Variants in MLXIP observed in about 807,000 individuals in gnomAD.
MLXIP encodes the protein MLX-interacting protein.
MLXIP carries 30 observed loss-of-function variants against 87.2 expected under a neutral mutation model. The observed-to-expected ratio is 0.34, with a 90% CI of 0.26 to 0.47. The LOEUF is 0.47. MLXIP is among the 20% of genes least tolerant of loss of function. The pLI is 1.00. For missense variants in MLXIP, 1,002 were observed against 1,240.1 expected (o/e 0.81, Z 2.88); for synonymous variants, 530 against 514.0 (o/e 1.03, Z -0.42).
rs548451761 is a variant in MLXIP, at chr12:122,103,370, G to C, written c.414-23886G>C. 4.6e-5 allele frequency among the ~76,000 whole-genome samples: 7 copies of C among 151,808 alleles called. No homozygotes were observed. The East Asian group carries it at 1.2e-3, about 25-fold the overall frequency. ...CTCCTAAGTAGCTGGGATTAGAGGC[G>C]CCCGCCACCATGCCCGGCTAATTTT... On this transcript the variant is annotated intron_variant, in intron 1 of 16. Transcript: ENST00000319080.
At chr12:122,107,844 C>G (rs1952544508) in intron 1 of MLXIP, among the ~76,000 whole-genome samples, 1 of 152,190 alleles carries the variant, frequency 6.6e-6, no homozygotes, top group African/African-American at 2.4e-5. Context: ...TCTCCTGTGA[C>G]CAGTGGTGAC....
At chr12:122,127,411 C>G in intron 2 of MLXIP, 49 bp downstream of exon 2, 2 of 1,371,258 alleles carry the variant, frequency 1.5e-6, no homozygotes, top group South Asian at 2.7e-5. Flanking sequence ...ACTTCACGGC[C>G]TGGAGGCCTG....
rs542429164 is a variant in MLXIP, at chr12:122,123,193, C to T, written c.414-4063C>T. 5.9e-5 allele frequency among the ~76,000 whole-genome samples: 9 copies of T among 152,306 alleles called. No homozygotes were observed. The South Asian group carries it at 1.2e-3, about 21-fold the overall frequency. On this transcript the variant is annotated intron_variant, in intron 1 of 16. Transcript: ENST00000319080. ...GTGTCCCTTCCTTTGTGACACCTGA[C>T]GCATTCATTGCCACCTTGCCACCTT...
At chr12:122,131,273 C>T (rs1270886196) in intron 7 of MLXIP, among the ~76,000 whole-genome samples, 1 of 151,960 alleles carries the variant, frequency 6.6e-6, no homozygotes, top group Non-Finnish European at 1.5e-5. Flanking sequence ...GCAGCAGAAA[C>T]GTCAGGCCTG....
intron 1 of MLXIP, among the ~76,000 whole-genome samples, chr12:122,092,582 A>T (rs1162617188): frequency 6.6e-6 from 1 of 152,116 alleles, no homozygotes; most frequent in Non-Finnish European, 1.5e-5. Context: ...TGATGATTTT[A>T]AGTATTCTTG....
chr12:122,111,682 T>G (rs1233109452), intron 1 of MLXIP, among the ~76,000 whole-genome samples: 1 of 152,236 alleles, frequency 6.6e-6, no homozygotes, highest in Admixed American at 6.5e-5. Flanking sequence ...AACTGCGTGA[T>G]TTGGTTTTGT....
chr12:122,141,634 G>A lies in MLXIP; in HGVS notation c.2639-57G>A, dbSNP rs1444497709. On this transcript the variant is annotated intron_variant, in intron 16 of 16. Coordinates refer to ENST00000319080, the MANE Select transcript of MLXIP (RefSeq NM_014938.6). ...ATGGGTTGTAGGTACAAAGCCGAGT[G>A]TGCGGTGTGTGGTGGGTCTGTGTCA... 9.4e-6 allele frequency: 15 copies of A among 1,595,888 alleles called. No homozygotes were observed. In the East Asian group the frequency reaches 2.2e-4, roughly 24 times the overall value.
chr12:122,086,448 C>T (rs1455934898), intron 1 of MLXIP, among the ~76,000 whole-genome samples: 2 of 151,958 alleles, frequency 1.3e-5, no homozygotes, highest in Non-Finnish European at 2.9e-5. Flanking sequence ...ATCCTTGTTC[C>T]CTGGTATAAT....
chr12:122,090,713 G>A (rs1429676625), intron 1 of MLXIP, among the ~76,000 whole-genome samples: 1 of 152,154 alleles, frequency 6.6e-6, no homozygotes, highest in Admixed American at 6.6e-5. Context: ...TTTATCATGA[G>A]CAAGTAAATA....
Position 122,138,954 on chromosome 12 carries a change from C to A in MLXIP, c.2508+16C>A. The stretch of plus-strand genomic sequence containing the variant: ...GTTCTGGATTGTATCTTTGGGTTTT[C>A]TTTTTGCTCTTCCCGGCCCTCAGCC... On this transcript the variant is annotated intron_variant, in intron 15 of 16. Transcript: ENST00000319080. 1.2e-6 allele frequency: 2 copies of A among 1,613,596 alleles called. No homozygotes were observed. Among genetic ancestry groups the A allele is most frequent in the Non-Finnish European group, 1.7e-6 (2 of 1,179,582 alleles).
At position 122,141,951 on chromosome 12, in the gene MLXIP, G is replaced by A; in HGVS notation, c.*139G>A. ...CTCTGCCGGCCCACCGTGGCATCGG[G>A]AGGCCATGCTCAGGTCTGAAGCAGG... On this transcript the variant is annotated 3_prime_UTR_variant, in exon 17 of 17. Coordinates refer to ENST00000319080, the MANE Select transcript of MLXIP (RefSeq NM_014938.6). The A allele has an allele frequency of 7.5e-7, 1 of 1,338,242 alleles. No individual in the cohort carries two copies. Among genetic ancestry groups the A allele is most frequent in the Non-Finnish European group, 1.0e-6 (1 of 985,582 alleles). 82.9% of individuals were successfully genotyped at this position (1,338,242 alleles called of 1,614,324 possible). A position where few individuals can be genotyped will look rare whatever the true frequency, so the allele number is the denominator to read the frequency against.
At chr12:122,123,662 G>A (rs11608792) in intron 1 of MLXIP, among the ~76,000 whole-genome samples, 70,254 of 152,008 alleles carry the variant, frequency 0.46, 16,432 homozygotes, top group Middle Eastern at 0.64. Flanking sequence ...TTTGTCTGCT[G>A]TACCCCCTGC....
intron 1 of MLXIP, among the ~76,000 whole-genome samples, chr12:122,122,764 G>T (rs1952804439): frequency 3.3e-5 from 5 of 152,032 alleles, no homozygotes; most frequent in Admixed American, 3.3e-4. Context: ...AGCCAGGATG[G>T]TCTCGATCTC....
chr12:122,106,277 G>A lies in MLXIP; in HGVS notation c.414-20979G>A, dbSNP rs747040255. 9.9e-5 allele frequency among the ~76,000 whole-genome samples: 15 copies of A among 152,200 alleles called. No homozygotes were observed. The East Asian group carries it at 1.9e-3, about 20-fold the overall frequency. On this transcript the variant is annotated intron_variant, in intron 1 of 16. Transcript: ENST00000319080. The stretch of plus-strand genomic sequence containing the variant: ...TTCTTTCCCTGGTTAACTCCTGCCC[G>A]TCCTTGGAGACTCCGCTCAGGCATC...
At chr12:122,085,300 GCGCTAAGCCTAAC>G (rs1479883646) in intron 1 of MLXIP, among the ~76,000 whole-genome samples, 1 of 152,064 alleles carries the variant, frequency 6.6e-6, no homozygotes. Context: ...TTTGACTTCC[GCGCTAAGCCTAAC>G]AGCTTCGGCA....
In MLXIP at chr12:122,133,717, G is replaced by A. The variant is rs369537342; in HGVS notation, c.1462G>A (p.Ala488Thr). Residue 488 changes from alanine (A) to threonine (T), a missense_variant, in exon 9 of 17, where the codon GCC becomes ACC. By Grantham distance (58) the Ala-to-Thr change is moderately conservative (BLOSUM62 0). Coordinates refer to ENST00000319080, the MANE Select transcript of MLXIP (RefSeq NM_014938.6). The surrounding 1 kb of genome is among the most constrained non-coding windows in gnomAD (Gnocchi z 4.9). ...AGCGCCGTCTGTCATCACCCACACG[G>A]CCTCTGCCACCCTCACCCACGATGC... ...NKAPSVITHT[A>T]SATLTHDAPA... The A allele has an allele frequency of 1.2e-6, 2 of 1,613,376 alleles. No individual in the cohort carries two copies. The highest frequency in any genetic ancestry group is 2.7e-5 in the African/African-American group (2 of 74,890).
Position 122,135,250 on chromosome 12 carries a change from G to T in MLXIP, c.1759G>T (p.Val587Leu), listed in dbSNP as rs1953065567. The stretch of plus-strand genomic sequence containing the variant: ...TGCCTTTTCAGGCCAACCACAAGCG[G>T]TGATCATGACGTCAGGGCCTCTGAA... The part of the protein sequence containing the change: ...PAAFSGQPQA[V>L]IMTSGPLKRE... Residue 587 changes from valine (V) to leucine (L), a missense_variant, in exon 10 of 17, where the codon GTG (valine) becomes TTG (leucine). Physicochemically the swap from Val to Leu is conservative, Grantham distance 32 (BLOSUM62 1). Coordinates refer to ENST00000319080, the MANE Select transcript of MLXIP (RefSeq NM_014938.6). This position sits in a 1 kb window ranked among gnomAD's most constrained non-coding sequence, Gnocchi z 5.3. 6.2e-7 allele frequency: 1 copy of T among 1,613,572 alleles called. No individual in the cohort carries two copies. The highest frequency in any genetic ancestry group is 1.6e-4 in the Middle Eastern group (1 of 6,062).
At chr12:122,113,820 G>A (rs1048241378) in intron 1 of MLXIP, among the ~76,000 whole-genome samples, 2 of 151,414 alleles carry the variant, frequency 1.3e-5, no homozygotes, top group Non-Finnish European at 2.9e-5. Flanking sequence ...GAGGAGCTGG[G>A]AGTACAGGCA....
intron 1 of MLXIP, among the ~76,000 whole-genome samples, chr12:122,114,630 A>G (rs1452163895): frequency 6.6e-6 from 1 of 152,194 alleles, no homozygotes; most frequent in African/African-American, 2.4e-5. Context: ...CCCCAGGCAA[A>G]CAAAGACACT....
Sources: allele counts gnomAD v4.1 joint callset (sites outside exome capture counted in the v4.1 genomes callset), GRCh38; gene constraint gnomAD v4.1.1; non-coding constraint Gnocchi (gnomAD v3.1); transcripts MANE v1.5; gene names NCBI Gene and HGNC (gene_info 2026-07-23, HGNC 2026-07-21).